IL11: variants seen among roughly 807,000 people sequenced by gnomAD.
IL11 encodes interleukin 11, also known as interleukin-11.
A neutral mutation model predicts 18.1 loss-of-function variants in IL11; 17 were observed. That is an observed-to-expected ratio of 0.94 (90% CI 0.64 to 1.41). The LOEUF (loss-of-function observed/expected upper bound fraction) is 1.41. Among genes scored for constraint, IL11 ranks in the 40% most tolerant of loss-of-function variants. The pLI is 0.00. For missense variants in IL11, 309 were observed against 262.8 expected, an observed-to-expected ratio of 1.18 and a Z score of -1.22; for synonymous variants, 144 against 134.1, an observed-to-expected ratio of 1.07 and a Z score of -0.51.
chr19:55,366,174 A>G lies in IL11; in HGVS notation c.433T>C (p.Ser145Pro), dbSNP rs901956545. Residue 145 changes from serine to proline, a missense_variant, in exon 5 of 5, where the codon TCC becomes CCC. Physicochemically the swap from Ser to Pro is moderately conservative, Grantham distance 74 (BLOSUM62 -1). Coordinates refer to ENST00000264563, the MANE Select transcript of IL11 (RefSeq NM_000641.4). This position sits in a 1 kb window ranked among gnomAD's most constrained non-coding sequence, Gnocchi z 4.6. The part of the protein sequence containing the change: ...RLLRRLQLLM[S>P]RLALPQPPPD... ...GGTGGCTGGGGCAGGGCCAGGCGGGACATCTGTGGGGAGAGGAGAGAGGTG... is the reference window on the plus strand; with the variant it reads ...GGTGGCTGGGGCAGGGCCAGGCGGGGCATCTGTGGGGAGAGGAGAGAGGTG... 1.3e-6 allele frequency: 2 copies of G among 1,489,126 alleles called. No homozygotes were observed. Among genetic ancestry groups the G allele is most frequent in the South Asian group, 1.3e-5 (1 of 76,570 alleles). 92.2% of individuals were successfully genotyped at this position (1,489,126 alleles called of 1,614,324 possible).
rs369971590 is a variant in IL11, at chr19:55,366,088, G to A, written c.519C>T (p.Ala173=). 254 of 1,583,890 alleles carry A rather than the reference G, an allele frequency of 1.6e-4. No individual in the cohort carries two copies. The African/African-American group carries it at 2.0e-3, about 13-fold the overall frequency. ...GCAGCCCCCCCAGGATGGCGTGGGC[G>A]GCCCTGATGCCCCCCCAGGCTGAGG... ...PPSSAWGGIR[A]AHAILGGLHL... The change falls in exon 5 of 5, where the codon GCC becomes GCT. Residue 173 remains alanine, a synonymous_variant. Coordinates refer to ENST00000264563, the MANE Select transcript of IL11 (RefSeq NM_000641.4). The surrounding 1 kb of genome is among the most constrained non-coding windows in gnomAD (Gnocchi z 4.6).
rs553947830 is a variant in IL11, at chr19:55,368,226, C to T, written c.413G>A (p.Arg138His). Residue 138 changes from arginine to histidine, a missense_variant, in exon 4 of 5, where the codon CGC becomes CAC. Arg to His is a conservative substitution (Grantham distance 29). Coordinates refer to ENST00000264563, the MANE Select transcript of IL11 (RefSeq NM_000641.4). The part of the protein sequence containing the change: ...TLQARLDRLL[R>H]RLQLLMSRLA... ...AGGACATACCAGGAGCTGCAGCCGGCGCAGCAGCCGGTCCAGTCGGGCCTG... is the reference window on the plus strand; with the variant it reads ...AGGACATACCAGGAGCTGCAGCCGGTGCAGCAGCCGGTCCAGTCGGGCCTG... 89 of 1,533,562 alleles carry T rather than the reference C, an allele frequency of 5.8e-5. 2 individuals are homozygous for T. The highest frequency in any genetic ancestry group is 2.8e-4 in the Admixed American group (14 of 50,698). The allele number at this position is 1,533,562 out of a possible 1,614,324, so 95.0% of individuals were successfully genotyped here. A position where few individuals can be genotyped will look rare whatever the true frequency, so the allele number is the denominator to read the frequency against.
In IL11 at chr19:55,365,912, C is replaced by T. The variant is rs977860923; in HGVS notation, c.*95G>A. 1.8e-5 allele frequency: 27 copies of T among 1,523,962 alleles called. No individual in the cohort carries two copies. Among genetic ancestry groups the T allele is most frequent in the Admixed American group, 1.0e-4 (5 of 49,302 alleles). The allele number at this position is 1,523,962 out of a possible 1,614,324, so 94.4% of individuals were successfully genotyped here. A position where few individuals can be genotyped will look rare whatever the true frequency, so the allele number is the denominator to read the frequency against. On this transcript the variant is annotated 3_prime_UTR_variant, in exon 5 of 5. Transcript: ENST00000264563. ...GTCTCTAACTAGGGGGAGATAATGGCGGGGGGATCACCTGGCTGTTTCGCC... is the reference window on the plus strand; with the variant it reads ...GTCTCTAACTAGGGGGAGATAATGGTGGGGGGATCACCTGGCTGTTTCGCC...
In IL11 at chr19:55,368,627, C is replaced by T. The variant is rs937999938; in HGVS notation, c.181-58G>A. 5 of 1,524,662 alleles carry T rather than the reference C, an allele frequency of 3.3e-6. No homozygotes were observed. In the African/African-American group the frequency reaches 4.1e-5, roughly 12 times the overall value. The allele number at this position is 1,524,662 out of a possible 1,614,324, so 94.4% of individuals were successfully genotyped here. A position where few individuals can be genotyped will look rare whatever the true frequency, so the allele number is the denominator to read the frequency against. On this transcript the variant is annotated intron_variant, in intron 2 of 4. Coordinates refer to ENST00000264563, the MANE Select transcript of IL11 (RefSeq NM_000641.4). ...GCCCAGCCTCGGGGCTCCCTCCATC[C>T]CCCACGCCAGGCCCCCAACTCTTCC...
chr19:55,369,892 C>T lies in IL11; in HGVS notation c.7+412G>A, dbSNP rs1380203415. On this transcript the variant is annotated intron_variant, in intron 1 of 4. Coordinates refer to ENST00000264563, the MANE Select transcript of IL11 (RefSeq NM_000641.4). The surrounding 1 kb of genome is among the most constrained non-coding windows in gnomAD (Gnocchi z 6.1). ...TCGCTACTCCCTGGCTTGCTCCGCT[C>T]TCCGCGGACCCTGCCTCAGTTTCCC... Among the ~76,000 whole-genome samples the T allele has an allele frequency of 6.6e-6, 1 of 151,990 alleles. No homozygotes were observed. The highest frequency in any genetic ancestry group is 1.5e-5 in the Non-Finnish European group (1 of 67,950).
rs539881082 is a variant in IL11, at chr19:55,368,906, A to G, written c.43T>C (p.Trp15Arg). ...CRLVLVVLSL[W>R]PDTAVAPGPP... The stretch of plus-strand genomic sequence containing the variant: ...CCAGGGGCGACAGCTGTATCTGGCC[A>G]CAGGCTCAGCACGACCAGGACCAGG... The change falls in exon 2 of 5, where the codon TGG becomes CGG. Residue 15 changes from tryptophan (W) to arginine (R), a missense_variant. Trp to Arg is a moderately radical substitution (Grantham distance 101, BLOSUM62 -3). Coordinates refer to ENST00000264563, the MANE Select transcript of IL11 (RefSeq NM_000641.4). 6.4e-6 allele frequency: 10 copies of G among 1,554,266 alleles called. No homozygotes were observed. The Admixed American group carries it at 1.8e-4, about 28-fold the overall frequency.
chr19:55,367,372 G>A (rs1274706313), intron 4 of IL11, among the ~76,000 whole-genome samples: 3 of 151,644 alleles, frequency 2.0e-5, no homozygotes, highest in African/African-American at 7.3e-5. Context: ...CTTAGGGCCT[G>A]GGATCTTTAA....
chr19:55,366,001 C>G lies in IL11; in HGVS notation c.*6G>C, dbSNP rs749539580. ...TGGAAGGACGGTGGTGGCTTTGGGCCCCGGGTCACAGCCGAGTCTTCAGCA... is the reference window on the plus strand; with the variant it reads ...TGGAAGGACGGTGGTGGCTTTGGGCGCCGGGTCACAGCCGAGTCTTCAGCA... On this transcript the variant is annotated 3_prime_UTR_variant, in exon 5 of 5. Coordinates refer to ENST00000264563, the MANE Select transcript of IL11 (RefSeq NM_000641.4). This position sits in a 1 kb window ranked among gnomAD's most constrained non-coding sequence, Gnocchi z 4.6. 6.3e-7 allele frequency: 1 copy of G among 1,596,224 alleles called. No individual in the cohort carries two copies. Among genetic ancestry groups the G allele is most frequent in the African/African-American group, 1.3e-5 (1 of 74,570 alleles).
At position 55,369,070 on chromosome 19, in the gene IL11, G is replaced by A. The variant is rs1600286045; in HGVS notation, c.8-129C>T. The A allele has an allele frequency of 1.3e-6, 1 of 767,130 alleles. No individual in the cohort carries two copies. The highest frequency in any genetic ancestry group is 1.9e-6 in the Non-Finnish European group (1 of 514,860). The allele number at this position is 767,130 out of a possible 1,614,324, so 47.5% of individuals were successfully genotyped here. On this transcript the variant is annotated intron_variant, in intron 1 of 4. Coordinates refer to ENST00000264563, the MANE Select transcript of IL11 (RefSeq NM_000641.4). This position sits in a 1 kb window ranked among gnomAD's most constrained non-coding sequence, Gnocchi z 6.1. ...GACTCCTCCTGGGTCTGAGGGAGGA[G>A]AGGCTGGGGGCCTGGACTCCTAGGT... is the stretch of plus-strand genomic sequence containing the variant.
rs2089812367 is a variant in IL11 at position 55,369,955 on chromosome 19, G to C, written c.7+349C>G. Reference sequence around the variant, plus strand: ...CTGCCGGAATCCCAGGGAGTCTCCCGGTCCCCGCGGGCTCCCTGGGGCCTG... The same window carrying C: ...CTGCCGGAATCCCAGGGAGTCTCCCCGTCCCCGCGGGCTCCCTGGGGCCTG... On this transcript the variant is annotated intron_variant, in intron 1 of 4. Coordinates refer to ENST00000264563, the MANE Select transcript of IL11 (RefSeq NM_000641.4). The surrounding 1 kb of genome is among the most constrained non-coding windows in gnomAD (Gnocchi z 6.1). Among the ~76,000 whole-genome samples, 1 of 151,838 alleles carries C rather than the reference G, an allele frequency of 6.6e-6. No individual in the cohort carries two copies. The highest frequency in any genetic ancestry group is 2.4e-5 in the African/African-American group (1 of 41,352).
At chr19:55,368,658 C>T (rs1263506090) in intron 2 of IL11, 89 bp from the exon 3 acceptor site, 14 of 1,493,188 alleles carry the variant, frequency 9.4e-6, no homozygotes, top group Non-Finnish European at 2.7e-6. Context: ...CTTCCCCTCC[C>T]TCACTCTGCC....
chr19:55,368,154 G>T, intron 4 of IL11, 56 bp downstream of exon 4: 1 of 1,436,896 alleles, frequency 7.0e-7, no homozygotes, highest in Non-Finnish European at 9.3e-7. Context: ...CAGGCCACAG[G>T]ATTTTGGGGC....
At position 55,368,774 on chromosome 19, in the gene IL11, GT is replaced by G; in HGVS notation, c.174del (p.Gln59SerfsTer2). The G allele has an allele frequency of 1.9e-6, 3 of 1,580,836 alleles. No homozygotes were observed. Among genetic ancestry groups the G allele is most frequent in the Non-Finnish European group, 2.6e-6 (3 of 1,163,896 alleles). ...CCCAGCCCAGTCTCTCCTACCAGCTGTGCAGCCAGCTGCCGCGTGTCCGCCA... is the reference window on the plus strand; with the variant it reads ...CCCAGCCCAGTCTCTCCTACCAGCTGGCAGCCAGCTGCCGCGTGTCCGCCA... ...SLLADTRQLA[A>X]QLRDKFPADG... On this transcript the variant is annotated frameshift_variant, in exon 2 of 5. Coordinates refer to ENST00000264563, the MANE Select transcript of IL11 (RefSeq NM_000641.4). LOFTEE classifies it high-confidence loss of function.
At position 55,364,534 on chromosome 19, in the gene IL11, T is replaced by C. The variant is rs1316195703; in HGVS notation, c.*1473A>G. ...TCCTTTGACCTGGAGACAGTCATTG[T>C]CAACATTTTGGCGTATTTCCCTTTA... On this transcript the variant is annotated 3_prime_UTR_variant, in exon 5 of 5. Transcript: ENST00000264563. 1 of 152,230 alleles carries C rather than the reference T, an allele frequency of 6.6e-6. No homozygotes were observed. Among genetic ancestry groups the C allele is most frequent in the African/African-American group, 2.4e-5 (1 of 41,460 alleles). The allele number at this position is 152,230 out of a possible 1,614,324, so 9.4% of individuals were successfully genotyped here. A position where few individuals can be genotyped will look rare whatever the true frequency, so the allele number is the denominator to read the frequency against.
In IL11 at chr19:55,368,668, C is replaced by T. The variant is rs1051129166; in HGVS notation, c.181-99G>A. ...CAACTCTTCCCCTCCCTCACTCTGC[C>T]ACCTGAGAGCCCAGAACCCCTCCAA... On this transcript the variant is annotated intron_variant, in intron 2 of 4. Transcript: ENST00000264563. 4.0e-6 allele frequency: 6 copies of T among 1,490,688 alleles called. No homozygotes were observed. In the South Asian group the frequency reaches 6.3e-5, roughly 16 times the overall value. 92.3% of individuals were successfully genotyped at this position (1,490,688 alleles called of 1,614,324 possible).
rs963701663 is a variant in IL11, at chr19:55,364,456, T to G, written c.*1551A>C. On this transcript the variant is annotated 3_prime_UTR_variant, in exon 5 of 5. Coordinates refer to ENST00000264563, the MANE Select transcript of IL11 (RefSeq NM_000641.4). ...AAATACACAGTCATGGCAGAAATTC[T>G]GTAAAATACAGACAATCATACACAT... 5.9e-5 allele frequency: 9 copies of G among 152,232 alleles called. No individual in the cohort carries two copies. Among genetic ancestry groups the G allele is most frequent in the African/African-American group, 2.2e-4 (9 of 41,474 alleles). The allele number at this position is 152,232 out of a possible 1,614,324, so 9.4% of individuals were successfully genotyped here.
At chr19:55,368,708 A>G in intron 2 of IL11, 61 bp downstream of exon 2, 1 of 1,513,144 alleles carries the variant, frequency 6.6e-7, no homozygotes, top group Admixed American at 2.0e-5. Context: ...CTGCCCGCAG[A>G]CTCCTCTCCG....
In IL11 at chr19:55,365,976, T is replaced by C; in HGVS notation, c.*31A>G. 1 of 1,576,682 alleles carries C rather than the reference T, an allele frequency of 6.3e-7. No individual in the cohort carries two copies. On this transcript the variant is annotated 3_prime_UTR_variant, in exon 5 of 5. Transcript: ENST00000264563. ...TAAATAAATAAATAAGATCTGGCTTTGGAAGGACGGTGGTGGCTTTGGGCC... is the reference window on the plus strand; with the variant it reads ...TAAATAAATAAATAAGATCTGGCTTCGGAAGGACGGTGGTGGCTTTGGGCC...
rs2089780213 is a variant in IL11, at chr19:55,365,619, T to C, written c.*388A>G. On this transcript the variant is annotated 3_prime_UTR_variant, in exon 5 of 5. Transcript: ENST00000264563. The stretch of plus-strand genomic sequence containing the variant: ...CTCACAAAGGTTTCTCACATTTTTG[T>C]ACAAAAACCCAGGCTTCCCTTTCCC... 4.7e-6 allele frequency: 1 copy of C among 211,528 alleles called. No homozygotes were observed. The highest frequency in any genetic ancestry group is 5.7e-5 in the Admixed American group (1 of 17,620). 13.1% of individuals were successfully genotyped at this position (211,528 alleles called of 1,614,324 possible).
Sources: allele counts gnomAD v4.1 joint callset (sites outside exome capture counted in the v4.1 genomes callset), GRCh38; gene constraint gnomAD v4.1.1; non-coding constraint Gnocchi (gnomAD v3.1); transcripts MANE v1.5; gene names NCBI Gene and HGNC (gene_info 2026-07-23, HGNC 2026-07-21).